Variants in PRKDC observed in about 807,000 individuals in gnomAD.
PRKDC encodes the protein DNA-dependent protein kinase catalytic subunit.
In PRKDC, 82 loss-of-function variants were observed where a neutral mutation model predicts 486.9. The ratio of observed to expected loss-of-function variants is 0.17; its 90% CI spans 0.14 to 0.20. The LOEUF is 0.20. PRKDC is among the 10% of genes least tolerant of loss of function. The pLI is 1.00. For missense variants in PRKDC, 4,504 were observed against 5,038.2 expected (o/e 0.89, Z 3.21); for synonymous variants, 1,895 against 1,837.0 (o/e 1.03, Z -0.81).
chr8:47,944,501 CAG>C (rs1491509589), intron 7 of PRKDC, among the ~76,000 whole-genome samples: 1 of 124,186 alleles, frequency 8.1e-6, no homozygotes, highest in African/African-American at 3.2e-5. Flanking sequence ...AAAAAAAAAA[CAG>C]AAAAAAAAAC....
intron 30 of PRKDC, among the ~76,000 whole-genome samples, chr8:47,893,761 C>T (rs961986399): frequency 2.6e-5 from 4 of 152,140 alleles, no homozygotes; most frequent in Non-Finnish European, 5.9e-5. Flanking sequence ...TGAACATGTG[C>T]TTAGAATAAC....
At chr8:47,857,536 G>A (rs1340596691) in intron 48 of PRKDC, among the ~76,000 whole-genome samples, 1 of 152,194 alleles carries the variant, frequency 6.6e-6, no homozygotes, top group Non-Finnish European at 1.5e-5. Flanking sequence ...AAGATGAGGT[G>A]AAGACACAGG....
In PRKDC at chr8:47,918,386, A is replaced by G. The variant is rs531795244; in HGVS notation, c.2420-3T>C. 1 of 1,528,804 alleles carries G rather than the reference A, an allele frequency of 6.5e-7. No homozygotes were observed. The highest frequency in any genetic ancestry group is 1.4e-5 in the African/African-American group (1 of 72,912). 94.7% of individuals were successfully genotyped at this position (1,528,804 alleles called of 1,614,324 possible). ...TTCCCAGTTATTCTTGGTCTCATCT[A>G]TCAATAGTAAACGAAAATAAATTTA... is the stretch of plus-strand genomic sequence containing the variant. On this transcript the variant is annotated splice_polypyrimidine_tract_variant and splice_region_variant and intron_variant, in intron 21 of 85. Coordinates refer to ENST00000314191, the MANE Select transcript of PRKDC (RefSeq NM_006904.7).
intron 54 of PRKDC, among the ~76,000 whole-genome samples, chr8:47,841,126 G>A (rs897055134): frequency 3.3e-5 from 5 of 152,150 alleles, no homozygotes; most frequent in South Asian, 2.1e-4. Flanking sequence ...CACGCTCGCC[G>A]TGGAGCTCTG....
intron 24 of PRKDC, among the ~76,000 whole-genome samples, chr8:47,912,913 T>G (rs1341280988): frequency 1.3e-5 from 2 of 152,148 alleles, no homozygotes; most frequent in Non-Finnish European, 2.9e-5. Flanking sequence ...CTATAGAAAA[T>G]TTACAAATTA....
At chr8:47,903,043 G>GA (rs1369357214) in intron 26 of PRKDC, among the ~76,000 whole-genome samples, 1 of 152,082 alleles carries the variant, frequency 6.6e-6, no homozygotes. Flanking sequence ...GAAAAGCCAT[G>GA]AAGAGGGGAG....
At chr8:47,778,702 A>G in intron 82 of PRKDC, 26 bp downstream of exon 82, 1 of 1,613,390 alleles carries the variant, frequency 6.2e-7, no homozygotes, top group Non-Finnish European at 8.5e-7. Context: ...TGATCCCACT[A>G]AGGGTGAGGG....
At chr8:47,931,298 G>A (rs2090247225) in intron 16 of PRKDC, among the ~76,000 whole-genome samples, 1 of 152,138 alleles carries the variant, frequency 6.6e-6, no homozygotes, top group Admixed American at 6.5e-5. Flanking sequence ...ATACAGAGCA[G>A]GAACCAACAA....
chr8:47,805,786 G>C (rs763839657), intron 69 of PRKDC, among the ~76,000 whole-genome samples: 1 of 152,046 alleles, frequency 6.6e-6, no homozygotes, highest in Non-Finnish European at 1.5e-5. Context: ...CTAGAAATCC[G>C]AGTTGTTTCT....
At position 47,877,578 on chromosome 8, in the gene PRKDC, G is replaced by A; in HGVS notation, c.5363+146C>T. On this transcript the variant is annotated intron_variant, in intron 40 of 85. Transcript: ENST00000314191. Reference sequence around the variant, plus strand: ...ATGTTTGAAAATTATAATAATAAAAGTTTTGTTTTAAAGACAAAAAACTAA... The same window carrying A: ...ATGTTTGAAAATTATAATAATAAAAATTTTGTTTTAAAGACAAAAAACTAA... The A allele has an allele frequency of 4.0e-6, 3 of 753,244 alleles. No individual in the cohort carries two copies. The Admixed American group carries it at 1.1e-4, about 27-fold the overall frequency. The allele number at this position is 753,244 out of a possible 1,614,324, so 46.7% of individuals were successfully genotyped here.
chr8:47,942,097 G>A (rs893714765), intron 10 of PRKDC, among the ~76,000 whole-genome samples: 27 of 152,192 alleles, frequency 1.8e-4, no homozygotes, highest in African/African-American at 6.5e-4. Context: ...CACACATTCC[G>A]GACACTCCTC....
chr8:47,912,552 C>A lies in PRKDC; in HGVS notation c.2792G>T (p.Cys931Phe). The A allele has an allele frequency of 6.2e-7, 1 of 1,610,454 alleles. No homozygotes were observed. The highest frequency in any genetic ancestry group is 8.5e-7 in the Non-Finnish European group (1 of 1,177,906). ...ASDRQTKVAA[C>F]ELLHSMVMFM... ...CATAACCATGCTATGTAAAAGTTCA[C>A]AGGCTGCAACCTAAAACAGACCAGG... Residue 931 changes from cysteine to phenylalanine, a missense_variant, in exon 25 of 86, where the codon TGT becomes TTT. Cys to Phe is a radical substitution (Grantham distance 205). This residue lies in a region of PRKDC where 1,969 missense variants were observed against 2,068.9 expected (regional missense o/e 0.95). Transcript: ENST00000314191.
chr8:47,944,263 T>G (rs955711298), intron 7 of PRKDC, among the ~76,000 whole-genome samples: 1 of 152,114 alleles, frequency 6.6e-6, no homozygotes, highest in East Asian at 1.9e-4. Context: ...CACCAACCTA[T>G]CACTTACAAG....
intron 21 of PRKDC, among the ~76,000 whole-genome samples, chr8:47,925,964 TA>T (rs1434701056): frequency 6.6e-6 from 1 of 152,230 alleles, no homozygotes; most frequent in African/African-American, 2.4e-5. Context: ...TTTTGTCACC[TA>T]ATTTTGCTTA....
Position 47,849,429 on chromosome 8 carries a change from A to G in PRKDC, c.7080T>C (p.Phe2360=), listed in dbSNP as rs1463023336. 12 of 1,613,900 alleles carry G rather than the reference A, an allele frequency of 7.4e-6. No individual in the cohort carries two copies. Among genetic ancestry groups the G allele is most frequent in the Non-Finnish European group, 1.0e-5 (12 of 1,179,912 alleles). Residue 2360 remains phenylalanine, a synonymous_variant, in exon 53 of 86, where the codon TTT becomes TTC. Coordinates refer to ENST00000314191, the MANE Select transcript of PRKDC (RefSeq NM_006904.7). ...KQHQNTMEDK[F]IVCLNKVTKS... is the part of the protein sequence containing the mutation. ...TGGTCACTTTGTTCAAGCACACAATAAACTTGTCCTCCATAGTATTCTGAT... is the reference window on the plus strand; with the variant it reads ...TGGTCACTTTGTTCAAGCACACAATGAACTTGTCCTCCATAGTATTCTGAT...
intron 13 of PRKDC, among the ~76,000 whole-genome samples, chr8:47,935,493 CTT>C (rs1001084713): frequency 2.6e-5 from 4 of 151,242 alleles, no homozygotes; most frequent in African/African-American, 9.7e-5. Context: ...GAGCGAGACT[CTT>C]GTCACCAAAA....
At chr8:47,887,918 C>T (rs1482427103) in intron 34 of PRKDC, among the ~76,000 whole-genome samples, 4 of 152,196 alleles carry the variant, frequency 2.6e-5, no homozygotes, top group African/African-American at 2.4e-5. Context: ...TGCAGTGACA[C>T]AATCGTGGCT....
At chr8:47,792,524 C>T (rs1460054784) in intron 74 of PRKDC, among the ~76,000 whole-genome samples, 1 of 152,086 alleles carries the variant, frequency 6.6e-6, no homozygotes, top group African/African-American at 2.4e-5. Context: ...TCCCAAAGTG[C>T]TGGGATTACA....
At position 47,933,698 on chromosome 8, in the gene PRKDC, C is replaced by T. The variant is rs4873770; in HGVS notation, c.1623+267G>A. 0.068 allele frequency among the ~76,000 whole-genome samples: 10,345 copies of T among 152,288 alleles called. 572 individuals carry two copies. The highest frequency in any genetic ancestry group is 0.19 in the Admixed American group (2,920 of 15,288). ...AAGAACAGCTTAGCATGAGCTATAC[C>T]ATCCTGCTATTTAAAGCTAAAATGA... On this transcript the variant is annotated intron_variant, in intron 15 of 85. Transcript: ENST00000314191.
Sources: gnomAD v4.1 joint callset for allele counts (sites outside exome capture counted in the v4.1 genomes callset) on GRCh38, gnomAD v4.1.1 for gene constraint, gnomAD v4.1.1 regional missense constraint, MANE v1.5 for transcripts, NCBI Gene and HGNC (gene_info 2026-07-23, HGNC 2026-07-21) for gene names.